SGIP1: variants seen among roughly 807,000 people sequenced by gnomAD.
SGIP1 encodes SH3-containing GRB2-like protein 3-interacting protein 1.
Under a neutral mutation model 107.5 loss-of-function variants are expected in SGIP1, and 38 were observed. The ratio of observed to expected loss-of-function variants is 0.35; its 90% CI spans 0.27 to 0.46. The LOEUF (loss-of-function observed/expected upper bound fraction) is 0.46. SGIP1 is among the 20% of genes least tolerant of loss of function. The pLI is 1.00. For missense variants in SGIP1, 929 were observed against 1,019.5 expected (o/e 0.91, Z 1.21); for synonymous variants, 365 against 366.1 (o/e 1.00, Z 0.03).
At position 66,659,992 on chromosome 1, in the gene SGIP1, A is replaced by C. The variant is rs3856188; in HGVS notation, c.460-521A>C. On this transcript the variant is annotated intron_variant, in intron 7 of 24. Transcript: ENST00000371037. Reference sequence around the variant, plus strand: ...AAAGAAAGAAAGAAAGAAAGAAAGAAAGAAAGACAGACAGACAGACAGACA... The same window carrying C: ...AAAGAAAGAAAGAAAGAAAGAAAGACAGAAAGACAGACAGACAGACAGACA... The C allele has an allele frequency of 2.7e-3, 161 of 59,574 alleles. 10 individuals are homozygous for C. The highest frequency in any genetic ancestry group is 6.6e-3 in the African/African-American group (73 of 11,094). 3.7% of individuals were successfully genotyped at this position (59,574 alleles called of 1,614,324 possible). A position where few individuals can be genotyped will look rare whatever the true frequency, so the allele number is the denominator to read the frequency against.
rs2094613152 is a variant in SGIP1, at chr1:66,750,905, A to G, written c.*7810A>G. On this transcript the variant is annotated 3_prime_UTR_variant, in exon 25 of 25. Coordinates refer to ENST00000371037, the MANE Select transcript of SGIP1 (RefSeq NM_032291.4). ...ACTTGCCTTATAAGTTAGAAATAGT[A>G]TGGATATCACTCTTTGTAAATAATA... Among the ~76,000 whole-genome samples, 1 of 152,222 alleles carries G rather than the reference A, an allele frequency of 6.6e-6. No individual in the cohort carries two copies. Among genetic ancestry groups the G allele is most frequent in the Admixed American group, 6.5e-5 (1 of 15,284 alleles).
At chr1:66,563,303 A>G (rs1435901622) in intron 1 of SGIP1, among the ~76,000 whole-genome samples, 2 of 151,936 alleles carry the variant, frequency 1.3e-5, no homozygotes, top group Admixed American at 6.6e-5. Flanking sequence ...GAGGATTTGG[A>G]GCTGTCCCTC....
intron 7 of SGIP1, among the ~76,000 whole-genome samples, chr1:66,646,457 G>A (rs1222142896): frequency 1.3e-5 from 2 of 152,166 alleles, no homozygotes; most frequent in South Asian, 2.1e-4. Context: ...AATGGTTTAC[G>A]TTGGACTTCT....
At chr1:66,670,556 T>C (rs1342684734) in intron 9 of SGIP1, among the ~76,000 whole-genome samples, 1 of 152,250 alleles carries the variant, frequency 6.6e-6, no homozygotes, top group East Asian at 1.9e-4. Flanking sequence ...TGTAAACTGA[T>C]GACTGTTTCC....
chr1:66,633,647 C>T (rs990889636), intron 3 of SGIP1, among the ~76,000 whole-genome samples: 2 of 152,140 alleles, frequency 1.3e-5, no homozygotes, highest in Non-Finnish European at 2.9e-5. Context: ...TGACTCCTTG[C>T]TGGCCACCAG....
At position 66,746,726 on chromosome 1, in the gene SGIP1, T is replaced by C. The variant is rs1287600530; in HGVS notation, c.*3631T>C. 6.6e-6 allele frequency: 1 copy of C among 152,110 alleles called. No homozygotes were observed. Among genetic ancestry groups the C allele is most frequent in the Non-Finnish European group, 1.5e-5 (1 of 67,980 alleles). The allele number at this position is 152,110 out of a possible 1,614,324, so 9.4% of individuals were successfully genotyped here. ...ACGGCAGCTGAAAGTAACCCAGCTA[T>C]TCTGACTGCAAAGGAAACGCCTTAA... On this transcript the variant is annotated 3_prime_UTR_variant, in exon 25 of 25. Transcript: ENST00000371037.
chr1:66,706,424 T>A, intron 18 of SGIP1, among the ~76,000 whole-genome samples: 1 of 143,930 alleles, frequency 6.9e-6, no homozygotes, highest in Non-Finnish European at 1.5e-5. Context: ...ATATATATGA[T>A]ATAATTTATA....
At chr1:66,694,810 G>T in intron 17 of SGIP1, 1 of 308,064 alleles carries the variant, frequency 3.2e-6, no homozygotes, top group Non-Finnish European at 5.9e-6. Flanking sequence ...TTACATGTCC[G>T]GTCACTGCTT....
chr1:66,543,271 A>G (rs369701341), intron 1 of SGIP1, among the ~76,000 whole-genome samples: 19 of 152,306 alleles, frequency 1.2e-4, no homozygotes, highest in African/African-American at 4.3e-4. Flanking sequence ...TCCCACCACG[A>G]ACAAAAGCCC....
At chr1:66,739,170 G>C (rs1263000080) in intron 21 of SGIP1, among the ~76,000 whole-genome samples, 165 bp from the exon 22 acceptor site, 1 of 151,822 alleles carries the variant, frequency 6.6e-6, no homozygotes, top group Non-Finnish European at 1.5e-5. Flanking sequence ...CGTGTTTTTA[G>C]TCTGTAACAG....
intron 18 of SGIP1, among the ~76,000 whole-genome samples, chr1:66,706,322 A>G (rs1215787786): frequency 7.7e-6 from 1 of 129,512 alleles, no homozygotes; most frequent in Non-Finnish European, 1.6e-5. Flanking sequence ...AATATAAACT[A>G]TATATTATAT....
intron 1 of SGIP1, among the ~76,000 whole-genome samples, chr1:66,600,050 C>T (rs547994778): frequency 2.4e-4 from 36 of 152,332 alleles, no homozygotes; most frequent in African/African-American, 7.5e-4. Context: ...TTGGTCTCCA[C>T]TGTAATGGGT....
At position 66,719,354 on chromosome 1, in the gene SGIP1, C is replaced by T. The variant is rs1409698719; in HGVS notation, c.1691C>T (p.Ala564Val). ...MGAQDTLPVA[A>V]AFTETVNAYF... ...GCTCAGGACACTCTCCCTGTTGCAG[C>T]AGCATTTACAGAAACAGTCAATGCC... The change falls in exon 19 of 25, where the codon GCA (alanine) becomes GTA (valine). Residue 564 changes from alanine (A) to valine (V), a missense_variant. By Grantham distance (64) the Ala-to-Val change is moderately conservative (BLOSUM62 0). Around this residue, in one of 2 missense-constraint regions of SGIP1, gnomAD observed 341 missense variants for 430.9 expected, o/e 0.79. Coordinates refer to ENST00000371037, the MANE Select transcript of SGIP1 (RefSeq NM_032291.4). 6.2e-7 allele frequency: 1 copy of T among 1,613,596 alleles called. No homozygotes were observed.
chr1:66,679,813 A>T (rs774987138), intron 14 of SGIP1, 61 bp downstream of exon 14: 126 of 1,434,064 alleles, frequency 8.8e-5, no homozygotes, highest in Non-Finnish European at 1.1e-4. Context: ...GCCCCGGATG[A>T]ACATGCCCTT....
chr1:66,629,230 C>G (rs1026240409), intron 2 of SGIP1, among the ~76,000 whole-genome samples: 1 of 152,140 alleles, frequency 6.6e-6, no homozygotes, highest in African/African-American at 2.4e-5. Flanking sequence ...GATTGAACCT[C>G]CTAAGATATA....
chr1:66,539,379 T>C (rs1310475930), intron 1 of SGIP1, among the ~76,000 whole-genome samples: 1 of 152,172 alleles, frequency 6.6e-6, no homozygotes, highest in East Asian at 1.9e-4. Context: ...GGAGAGAGAC[T>C]GGGGAAGTGT....
chr1:66,742,460 C>CTTGTTTTTTTTTTTT, intron 24 of SGIP1, among the ~76,000 whole-genome samples: 1 of 45,104 alleles, frequency 2.2e-5, no homozygotes, highest in Non-Finnish European at 4.3e-5. Flanking sequence ...AGCACCCTTT[C>CTTGTTTTTTTTTTTT]TTTTTTTTTT....
At chr1:66,722,867 A>T (rs1347997048) in intron 19 of SGIP1, among the ~76,000 whole-genome samples, 1 of 152,034 alleles carries the variant, frequency 6.6e-6, no homozygotes, top group Non-Finnish European at 1.5e-5. Flanking sequence ...TGGCATTCCA[A>T]TGACATGGCA....
At chr1:66,606,946 G>A (rs1028097198) in intron 1 of SGIP1, among the ~76,000 whole-genome samples, 1 of 152,102 alleles carries the variant, frequency 6.6e-6, no homozygotes. Flanking sequence ...ACCAAAAAGA[G>A]ATTAAGAGTC....
Sources: gnomAD v4.1 joint callset for allele counts (sites outside exome capture counted in the v4.1 genomes callset) on GRCh38, gnomAD v4.1.1 for gene constraint, gnomAD v4.1.1 regional missense constraint, MANE v1.5 for transcripts, NCBI Gene and HGNC (gene_info 2026-07-23, HGNC 2026-07-21) for gene names.